Variants in MCPH1 observed in about 807,000 individuals in gnomAD.
The protein encoded by MCPH1 is microcephalin.
A neutral mutation model predicts 84.5 loss-of-function variants in MCPH1; 104 were observed. That is an observed-to-expected ratio of 1.23 (90% CI 1.05 to 1.45). MCPH1 has a LOEUF of 1.45. Ranked by LOEUF, MCPH1 falls within the 40% of genes most tolerant of loss-of-function variation. The probability of loss-of-function intolerance (pLI) is 0.00; values close to 1 mark genes in which losing one functional copy is unlikely to be tolerated. For synonymous variants in MCPH1, 514 were observed against 366.8 expected (o/e 1.40, Z -4.58); for missense variants, 1,498 against 1,005.7 (o/e 1.49, Z -6.62).
At chr8:6,477,810 T>C (rs1402814026) in intron 10 of MCPH1, among the ~76,000 whole-genome samples, 179 bp downstream of exon 10, 1 of 152,246 alleles carries the variant, frequency 6.6e-6, no homozygotes, top group Non-Finnish European at 1.5e-5. Context: ...GTGAGCGACT[T>C]AGCCTTGAAA....
At chr8:6,527,243 C>A (rs952672394) in intron 12 of MCPH1, among the ~76,000 whole-genome samples, 4 of 151,542 alleles carry the variant, frequency 2.6e-5, no homozygotes, top group African/African-American at 9.7e-5. Context: ...GTGGTTCTTT[C>A]ACTCCACAGC....
At chr8:6,426,459 G>A (rs1345224293) in intron 3 of MCPH1, among the ~76,000 whole-genome samples, 1 of 152,164 alleles carries the variant, frequency 6.6e-6, no homozygotes, top group East Asian at 1.9e-4. Context: ...GTACTATTTT[G>A]TGCCTGACAT....
intron 12 of MCPH1, among the ~76,000 whole-genome samples, chr8:6,523,228 A>T (rs888888174): frequency 6.6e-6 from 1 of 152,100 alleles, no homozygotes; most frequent in South Asian, 2.1e-4. Context: ...CGATCTCCTG[A>T]CCTCGTGATC....
intron 12 of MCPH1, chr8:6,508,945 T>A: frequency 6.2e-7 from 1 of 1,614,150 alleles, no homozygotes; most frequent in South Asian, 1.1e-5. Flanking sequence ...CTGTTAGCAT[T>A]TGTGAACATT....
chr8:6,442,657 G>A (rs1377177139), intron 7 of MCPH1, among the ~76,000 whole-genome samples: 3 of 152,210 alleles, frequency 2.0e-5, no homozygotes, highest in African/African-American at 7.2e-5. Flanking sequence ...TGTTTGTAAT[G>A]TGGGAGCCCT....
chr8:6,433,462 A>G (rs1310634553), intron 4 of MCPH1, among the ~76,000 whole-genome samples: 4 of 151,804 alleles, frequency 2.6e-5, no homozygotes, highest in Non-Finnish European at 5.9e-5. Context: ...GCGAAACCCC[A>G]TCTCTACTAA....
At chr8:6,422,288 T>C (rs182952350) in intron 3 of MCPH1, among the ~76,000 whole-genome samples, 3 of 152,172 alleles carry the variant, frequency 2.0e-5, no homozygotes, top group Non-Finnish European at 4.4e-5. Flanking sequence ...AAGGAAAATT[T>C]AGTTAAGTGG....
chr8:6,445,949 A>G (rs1230807549), intron 8 of MCPH1: 1 of 984,802 alleles, frequency 1.0e-6, no homozygotes, highest in African/African-American at 1.7e-5. Flanking sequence ...GAGGCTATTT[A>G]AAGAAAGAAA....
At chr8:6,530,610 A>G (rs1417949593) in intron 12 of MCPH1, among the ~76,000 whole-genome samples, 4 of 151,252 alleles carry the variant, frequency 2.6e-5, no homozygotes, top group Non-Finnish European at 5.9e-5. Flanking sequence ...TGACTTTTAA[A>G]TCTTTAGTTT....
intron 10 of MCPH1, among the ~76,000 whole-genome samples, chr8:6,477,928 T>A (rs1318834356): frequency 1.3e-5 from 2 of 152,224 alleles, no homozygotes; most frequent in Non-Finnish European, 2.9e-5. Flanking sequence ...GGAACATCAT[T>A]GACCAAAACA....
At chr8:6,553,824 G>T (rs374403246) in intron 12 of MCPH1, among the ~76,000 whole-genome samples, 13 of 152,206 alleles carry the variant, frequency 8.5e-5, no homozygotes, top group African/African-American at 3.1e-4. Flanking sequence ...AAAGTCCCAC[G>T]TGATTCAGCC....
chr8:6,550,311 A>G (rs1231394431), intron 12 of MCPH1, among the ~76,000 whole-genome samples: 1 of 151,974 alleles, frequency 6.6e-6, no homozygotes, highest in South Asian at 2.1e-4. Context: ...GCCTCTCCCT[A>G]TGTGTGTGGG....
At chr8:6,443,833 T>C (rs1332187956) in intron 7 of MCPH1, among the ~76,000 whole-genome samples, 1 of 152,108 alleles carries the variant, frequency 6.6e-6, no homozygotes, top group East Asian at 1.9e-4. Flanking sequence ...ATAGAATATT[T>C]AGGAGGTAGC....
At chr8:6,527,831 G>C (rs1818633068) in intron 12 of MCPH1, among the ~76,000 whole-genome samples, 2 of 150,980 alleles carry the variant, frequency 1.3e-5, no homozygotes, top group Admixed American at 1.3e-4. Flanking sequence ...TTCATTTTCA[G>C]AAAAGGCTCA....
At chr8:6,464,052 C>T (rs774532822) in intron 9 of MCPH1, among the ~76,000 whole-genome samples, 1 of 152,172 alleles carries the variant, frequency 6.6e-6, no homozygotes, top group African/African-American at 2.4e-5. Flanking sequence ...GCCACACTTC[C>T]TCGAGGATGA....
chr8:6,540,814 C>CG (rs1330328570), intron 12 of MCPH1, among the ~76,000 whole-genome samples: 1 of 152,236 alleles, frequency 6.6e-6, no homozygotes, highest in Non-Finnish European at 1.5e-5. Context: ...CGAACAGGCG[C>CG]GGGAGGCAGG....
intron 9 of MCPH1, among the ~76,000 whole-genome samples, chr8:6,476,932 T>C (rs1368268495): frequency 1.3e-5 from 2 of 152,236 alleles, no homozygotes; most frequent in Non-Finnish European, 2.9e-5. Flanking sequence ...TGTTAAACAA[T>C]AGTCATTTCT....
intron 13 of MCPH1, chr8:6,624,967 C>T (rs1831913386): frequency 1.5e-6 from 1 of 672,106 alleles, no homozygotes. Flanking sequence ...CCTTCACCTC[C>T]TGGGTTCAAG....
At chr8:6,415,821 A>G (rs1031572608) in intron 3 of MCPH1, among the ~76,000 whole-genome samples, 3 of 152,054 alleles carry the variant, frequency 2.0e-5, no homozygotes, top group East Asian at 1.9e-4. Context: ...TATGAATTTT[A>G]TGATCAGTGT....
Sources: allele counts gnomAD v4.1 joint callset (sites outside exome capture counted in the v4.1 genomes callset), GRCh38; gene constraint gnomAD v4.1.1; transcripts MANE v1.5; gene names NCBI Gene and HGNC (gene_info 2026-07-23, HGNC 2026-07-21).